TRIM69: variants seen among roughly 807,000 people sequenced by gnomAD.
TRIM69 encodes E3 ubiquitin-protein ligase TRIM69.
Under a neutral mutation model 37.7 loss-of-function variants are expected in TRIM69, and 29 were observed. The observed-to-expected ratio is 0.77, with a 90% CI of 0.57 to 1.05. The LOEUF is 1.05. Among genes scored for constraint, TRIM69 ranks in the 50% least tolerant of loss-of-function variants. The pLI, the probability that TRIM69 is intolerant of heterozygous loss-of-function variation, is 0.00. For synonymous variants in TRIM69, 209 were observed against 212.4 expected, an observed-to-expected ratio of 0.98 and a Z score of 0.14; for missense variants, 596 against 579.9, an observed-to-expected ratio of 1.03 and a Z score of -0.28.
intron 1 of TRIM69, among the ~76,000 whole-genome samples, chr15:44,748,599 T>C (rs868519038): frequency 2.0e-5 from 3 of 151,602 alleles, no homozygotes; most frequent in Non-Finnish European, 2.9e-5. Context: ...CCAAGGTGGG[T>C]GGATCACTTG....
At chr15:44,762,078 G>A (rs1324804220) in intron 6 of TRIM69, among the ~76,000 whole-genome samples, 2 of 152,132 alleles carry the variant, frequency 1.3e-5, no homozygotes, top group Non-Finnish European at 2.9e-5. Context: ...CCATTCTCCT[G>A]CCTCAGCCTC....
At chr15:44,767,107 G>A (rs1460840491) in intron 6 of TRIM69, 124 bp from the exon 7 acceptor site, 10 of 323,452 alleles carry the variant, frequency 3.1e-5, no homozygotes, top group Non-Finnish European at 5.8e-5. Context: ...TTGCTTGCCT[G>A]TCTAAGAGTC....
intron 6 of TRIM69, among the ~76,000 whole-genome samples, chr15:44,763,477 C>T (rs979420256): frequency 3.9e-5 from 6 of 152,264 alleles, no homozygotes; most frequent in African/African-American, 1.4e-4. Flanking sequence ...TACTCTTTTT[C>T]CCTCCTTCTA....
intron 1 of TRIM69, among the ~76,000 whole-genome samples, chr15:44,744,671 C>G (rs1359899812): frequency 6.6e-6 from 1 of 152,050 alleles, no homozygotes; most frequent in African/African-American, 2.4e-5. Context: ...CATTTCCCAT[C>G]TTGGTGGTGG....
At position 44,750,715 on chromosome 15, in the gene TRIM69, C is replaced by CTTTTT. The variant is rs869059418; in HGVS notation, c.7-4162_7-4158dup. ...TCGCATTTTTATTTCATTACTTTTTCTTTTTTTTTTTTTTTTTTTTTTTTT... is the reference window on the plus strand; with the variant it reads ...TCGCATTTTTATTTCATTACTTTTTCTTTTTTTTTTTTTTTTTTTTTTTTTTTTTT... On this transcript the variant is annotated intron_variant, in intron 1 of 6. Transcript: ENST00000329464. Among the ~76,000 whole-genome samples, 302 of 102,842 alleles carry CTTTTT rather than the reference C, an allele frequency of 2.9e-3. 114 individuals carry two copies. The highest frequency in any genetic ancestry group is 0.011 in the African/African-American group (284 of 25,906). 67.5% of individuals were successfully genotyped at this position (102,842 alleles called of 152,430 possible).
intron 1 of TRIM69, among the ~76,000 whole-genome samples, chr15:44,742,504 A>G (rs377523083): frequency 0.042 from 5,199 of 123,448 alleles, 148 homozygotes; most frequent in South Asian, 0.069. Flanking sequence ...AGGGTATTCA[A>G]TTAGGAAAAG....
At chr15:44,739,887 C>T (rs904625484) in intron 1 of TRIM69, among the ~76,000 whole-genome samples, 11 of 151,498 alleles carry the variant, frequency 7.3e-5, no homozygotes, top group African/African-American at 2.7e-4. Flanking sequence ...GTGGTTCTCC[C>T]AGCACGCAGC....
At chr15:44,761,388 T>C (rs1369243853) in intron 6 of TRIM69, among the ~76,000 whole-genome samples, 1 of 152,238 alleles carries the variant, frequency 6.6e-6, no homozygotes, top group Non-Finnish European at 1.5e-5. Context: ...CAAAACTTGA[T>C]ATTGTCAATC....
intron 1 of TRIM69, among the ~76,000 whole-genome samples, chr15:44,740,344 G>A (rs7182564): frequency 0.02 from 2,994 of 152,310 alleles, 98 homozygotes; most frequent in African/African-American, 0.067. Flanking sequence ...CCAAAGGAAC[G>A]CAGTTCCTCA....
At chr15:44,742,498 T>C (rs1333215143) in intron 1 of TRIM69, among the ~76,000 whole-genome samples, 1 of 130,724 alleles carries the variant, frequency 7.6e-6, no homozygotes, top group African/African-American at 2.8e-5. Flanking sequence ...AAATAAAGGG[T>C]ATTCAATTAG....
At chr15:44,739,019 T>G (rs2087221579) in intron 1 of TRIM69, among the ~76,000 whole-genome samples, 1 of 152,200 alleles carries the variant, frequency 6.6e-6, no homozygotes, top group African/African-American at 2.4e-5. Context: ...ATTAATAACA[T>G]TAAATATATT....
intron 6 of TRIM69, 70 bp from the exon 7 acceptor site, chr15:44,767,157 ACTAT>A: frequency 2.4e-6 from 3 of 1,256,688 alleles, no homozygotes; most frequent in Non-Finnish European, 3.3e-6. Context: ...AATATGAAAT[ACTAT>A]CTTTTACTGT....
chr15:44,741,003 C>A (rs1306099864), intron 1 of TRIM69, among the ~76,000 whole-genome samples: 50 of 147,628 alleles, frequency 3.4e-4, no homozygotes, highest in South Asian at 1.1e-3. Context: ...CCTAAATCAA[C>A]AGAATATACA....
In TRIM69 at chr15:44,742,202, AC is replaced by A. The variant is rs2087305059; in HGVS notation, c.6+5494del. Among the ~76,000 whole-genome samples, 3 of 150,662 alleles carry A rather than the reference AC, an allele frequency of 2.0e-5. No homozygotes were observed. In the South Asian group the frequency reaches 6.4e-4, roughly 32 times the overall value. ...AAATGTAATCCAGCATATAAACAGA[AC>A]CAAAGACAAAAACCACATGATTATC... On this transcript the variant is annotated intron_variant, in intron 1 of 6. Coordinates refer to ENST00000329464, the MANE Select transcript of TRIM69 (RefSeq NM_182985.5).
intron 6 of TRIM69, among the ~76,000 whole-genome samples, chr15:44,760,415 C>G (rs112887113): frequency 0.011 from 1,641 of 152,238 alleles, 35 homozygotes; most frequent in African/African-American, 0.038. Context: ...AAATAACACA[C>G]ATGGCATTTC....
intron 1 of TRIM69, among the ~76,000 whole-genome samples, chr15:44,743,942 A>C (rs928005705): frequency 7.2e-5 from 11 of 152,104 alleles, no homozygotes; most frequent in South Asian, 2.1e-4. Context: ...TTGACCCAGC[A>C]ATCCCATTAC....
chr15:44,755,282 G>T lies in TRIM69; in HGVS notation c.389G>T (p.Gly130Val). ...CTGAAACTGTTCAGTAAACCAGATG[G>T]GAAACTGATCTGCTTTCAATGCAAG... Reference protein sequence around the residue: ...ENLKLFSKPDGKLICFQCKDA... With the variant: ...ENLKLFSKPDVKLICFQCKDA... Residue 130 changes from glycine to valine, a missense_variant, in exon 2 of 7, where the codon GGG (glycine) becomes GTG (valine). Coordinates refer to ENST00000329464, the MANE Select transcript of TRIM69 (RefSeq NM_182985.5). The T allele has an allele frequency of 1.2e-6, 2 of 1,614,160 alleles. No individual in the cohort carries two copies. Among genetic ancestry groups the T allele is most frequent in the Non-Finnish European group, 1.7e-6 (2 of 1,180,026 alleles).
At chr15:44,743,601 C>G (rs2087339488) in intron 1 of TRIM69, among the ~76,000 whole-genome samples, 1 of 152,132 alleles carries the variant, frequency 6.6e-6, no homozygotes, top group South Asian at 2.1e-4. Flanking sequence ...CTACAATGAA[C>G]TCAAACAAAT....
chr15:44,759,662 GGTAA>G lies in TRIM69; in HGVS notation c.836+3_836+6del. ...TAGGACATCACAACTCTCTTACATAGGTAAGTGTTTCCCTATGGTACTATTAATA... is the reference window on the plus strand; with the variant it reads ...TAGGACATCACAACTCTCTTACATAGGTGTTTCCCTATGGTACTATTAATA... On this transcript the variant is annotated splice_donor_variant and splice_donor_region_variant and intron_variant, in intron 5 of 6. Coordinates refer to ENST00000329464, the MANE Select transcript of TRIM69 (RefSeq NM_182985.5). LOFTEE classifies it high-confidence loss of function. 1 of 1,614,042 alleles carries G rather than the reference GGTAA, an allele frequency of 6.2e-7. No homozygotes were observed. Among genetic ancestry groups the G allele is most frequent in the Non-Finnish European group, 8.5e-7 (1 of 1,179,958 alleles).
Sources: gnomAD v4.1 joint callset for allele counts (sites outside exome capture counted in the v4.1 genomes callset) on GRCh38, gnomAD v4.1.1 for gene constraint, MANE v1.5 for transcripts, NCBI Gene and HGNC (gene_info 2026-07-23, HGNC 2026-07-21) for gene names.